The following CPNE4 variants were observed in gnomAD, a reference collection of about 807,000 sequenced individuals.
CPNE4 encodes copine 4.
CPNE4 carries 25 observed loss-of-function variants against 67.9 expected under a neutral mutation model. The ratio of observed to expected loss-of-function variants is 0.37; its 90% CI spans 0.27 to 0.51. The LOEUF (loss-of-function observed/expected upper bound fraction) is 0.51. CPNE4 is among the 20% of genes least tolerant of loss of function. The pLI, the probability that CPNE4 is intolerant of heterozygous loss-of-function variation, is 0.93. For synonymous variants in CPNE4, 242 were observed against 244.9 expected, an observed-to-expected ratio of 0.99 and a Z score of 0.11; for missense variants, 464 against 690.8, an observed-to-expected ratio of 0.67 and a Z score of 3.68.
At chr3:131,930,662 C>T (rs372730285) in intron 1 of CPNE4, among the ~76,000 whole-genome samples, 2 of 152,216 alleles carry the variant, frequency 1.3e-5, no homozygotes, top group Admixed American at 1.3e-4. Context: ...ATAGTAATTG[C>T]TCAGTGAATA....
At chr3:131,842,746 A>AAAAAAAAAAG (rs1553784371) in intron 2 of CPNE4, among the ~76,000 whole-genome samples, 1 of 149,702 alleles carries the variant, frequency 6.7e-6, no homozygotes. Flanking sequence ...AAAAAAAAAA[A>AAAAAAAAAAG]AAAGAAAAAG....
At chr3:131,635,877 C>T (rs1191768948) in intron 7 of CPNE4, among the ~76,000 whole-genome samples, 2 of 84,792 alleles carry the variant, frequency 2.4e-5, no homozygotes, top group Non-Finnish European at 3.9e-5. Flanking sequence ...GTCAGGAGAT[C>T]GAGACCATCC....
chr3:131,963,159 C>G (rs2072234502), intron 1 of CPNE4, among the ~76,000 whole-genome samples: 1 of 151,912 alleles, frequency 6.6e-6, no homozygotes, highest in Admixed American at 6.6e-5. Flanking sequence ...GCTGGGGGAG[C>G]CCCCCTCCCT....
chr3:131,927,610 G>A (rs1443914751), intron 1 of CPNE4, among the ~76,000 whole-genome samples: 1 of 152,134 alleles, frequency 6.6e-6, no homozygotes, highest in Non-Finnish European at 1.5e-5. Flanking sequence ...AAATTAAGAA[G>A]CCAATCAATT....
intron 6 of CPNE4, 139 bp from the exon 7 acceptor site, chr3:131,669,903 T>C: frequency 2.9e-6 from 2 of 679,250 alleles, no homozygotes; most frequent in South Asian, 1.9e-5. Context: ...TAATAAAAAC[T>C]TGATGTAGTA....
At chr3:131,861,412 GTGTGTGTGTGTGT>G in intron 2 of CPNE4, among the ~76,000 whole-genome samples, 1 of 29,294 alleles carries the variant, frequency 3.4e-5, no homozygotes, top group East Asian at 1.6e-3. Flanking sequence ...TTGTGTGTGT[GTGTGTGTGTGTGT>G]GTGTGTGTGT....
intron 15 of CPNE4, among the ~76,000 whole-genome samples, chr3:131,540,872 C>T (rs1935441879): frequency 6.6e-6 from 1 of 152,156 alleles, no homozygotes; most frequent in Non-Finnish European, 1.5e-5. Flanking sequence ...GGAGACACAT[C>T]TCACTGCATT....
intron 3 of CPNE4, among the ~76,000 whole-genome samples, chr3:131,700,800 T>C (rs1269363490): frequency 6.6e-6 from 1 of 152,088 alleles, no homozygotes; most frequent in African/African-American, 2.4e-5. Context: ...CACATGTATG[T>C]TTATTGTGGC....
At chr3:131,863,098 C>T (rs1369981874) in intron 2 of CPNE4, among the ~76,000 whole-genome samples, 3 of 152,104 alleles carry the variant, frequency 2.0e-5, no homozygotes, top group Non-Finnish European at 4.4e-5. Flanking sequence ...TTTCTTAATC[C>T]AGTCTATCAT....
At chr3:131,858,820 A>G (rs890752190) in intron 2 of CPNE4, among the ~76,000 whole-genome samples, 2 of 152,150 alleles carry the variant, frequency 1.3e-5, no homozygotes, top group Non-Finnish European at 2.9e-5. Context: ...AATCTTTACA[A>G]AATTGCAATT....
intron 2 of CPNE4, among the ~76,000 whole-genome samples, chr3:131,886,851 C>A (rs1465916188): frequency 6.6e-6 from 1 of 152,268 alleles, no homozygotes; most frequent in East Asian, 1.9e-4. Context: ...ATGTTTGTAC[C>A]CCCATCATAT....
At chr3:131,569,997 C>G (rs1407418794) in intron 10 of CPNE4, among the ~76,000 whole-genome samples, 5 of 151,804 alleles carry the variant, frequency 3.3e-5, no homozygotes, top group African/African-American at 4.8e-5. Context: ...TAGTTGTAAT[C>G]ATAGAGTAAC....
At chr3:131,876,441 G>C (rs1245744221) in intron 2 of CPNE4, among the ~76,000 whole-genome samples, 3 of 151,444 alleles carry the variant, frequency 2.0e-5, no homozygotes, top group Non-Finnish European at 2.9e-5. Flanking sequence ...AGGAGATCGA[G>C]ACCATCCTGG....
intron 2 of CPNE4, among the ~76,000 whole-genome samples, chr3:131,780,989 A>G (rs1351114001): frequency 6.6e-6 from 1 of 151,984 alleles, no homozygotes; most frequent in Non-Finnish European, 1.5e-5. Context: ...CTGGAAGTAG[A>G]GGTGGTCATG....
chr3:131,782,582 C>G (rs1395703517), intron 2 of CPNE4, among the ~76,000 whole-genome samples: 1 of 151,870 alleles, frequency 6.6e-6, no homozygotes, highest in Non-Finnish European at 1.5e-5. Context: ...TACATGATTT[C>G]TGGAATTAGG....
intron 7 of CPNE4, among the ~76,000 whole-genome samples, chr3:131,661,368 A>G (rs1337462844): frequency 6.6e-6 from 1 of 152,228 alleles, no homozygotes. Context: ...GTAATATAAG[A>G]TGATAATGTT....
chr3:132,031,784 T>C (rs1246398218), intron 1 of CPNE4, among the ~76,000 whole-genome samples: 1 of 152,188 alleles, frequency 6.6e-6, no homozygotes, highest in Non-Finnish European at 1.5e-5. Context: ...CATATGAGAA[T>C]AAAGATTCCA....
chr3:131,548,952 G>C (rs1321352852), intron 14 of CPNE4, among the ~76,000 whole-genome samples: 1 of 152,140 alleles, frequency 6.6e-6, no homozygotes, highest in African/African-American at 2.4e-5. Context: ...CAGAGTCAAG[G>C]GGGAGATATT....
At chr3:131,603,306 T>C (rs1939311358) in intron 7 of CPNE4, among the ~76,000 whole-genome samples, 1 of 152,314 alleles carries the variant, frequency 6.6e-6, no homozygotes, top group Non-Finnish European at 1.5e-5. Flanking sequence ...CTAATCTCTA[T>C]ATAAATCTTA....
Sources: gnomAD v4.1 joint callset for allele counts (sites outside exome capture counted in the v4.1 genomes callset) on GRCh38, gnomAD v4.1.1 for gene constraint, MANE v1.5 for transcripts, NCBI Gene and HGNC (gene_info 2026-07-23, HGNC 2026-07-21) for gene names.